Variants in BSG observed in about 807,000 individuals in gnomAD.
BSG encodes basigin.
In BSG, 37 loss-of-function variants were observed where a neutral mutation model predicts 43.1. The observed-to-expected ratio is 0.86, with a 90% CI of 0.66 to 1.13. The LOEUF (loss-of-function observed/expected upper bound fraction) is 1.13, where lower values mean the gene tolerates loss of function less well. Among genes scored for constraint, BSG ranks in the 50% most tolerant of loss-of-function variants. The pLI is 0.00. For synonymous variants in BSG, 309 were observed against 238.7 expected (o/e 1.29, Z -2.72); for missense variants, 599 against 554.2 (o/e 1.08, Z -0.81).
Position 572,606 on chromosome 19 carries a change from G to A in BSG, c.-29G>A, listed in dbSNP as rs1981351166. 4 of 1,476,874 alleles carry A rather than the reference G, an allele frequency of 2.7e-6. No homozygotes were observed. Among genetic ancestry groups the A allele is most frequent in the East Asian group, 2.9e-5 (1 of 34,004 alleles). 91.5% of individuals were successfully genotyped at this position (1,476,874 alleles called of 1,614,324 possible). On this transcript the variant is annotated 5_prime_UTR_variant, in exon 1 of 9. Coordinates refer to ENST00000333511, the MANE Select transcript of BSG (RefSeq NM_001728.4). Reference sequence around the variant, plus strand: ...GCGGGCGGCGGCGGCAGCGGTTGGAGGTTGTAGGACCGGCGAGGAATAGGA... The same window carrying A: ...GCGGGCGGCGGCGGCAGCGGTTGGAAGTTGTAGGACCGGCGAGGAATAGGA...
At position 578,303 on chromosome 19, in the gene BSG, C is replaced by T. The variant is rs1417747172; in HGVS notation, c.415+182C>T. The T allele has an allele frequency of 6.8e-6, 4 of 585,334 alleles. No homozygotes were observed. In the African/African-American group the frequency reaches 7.7e-5, roughly 11 times the overall value. The allele number at this position is 585,334 out of a possible 1,614,324, so 36.3% of individuals were successfully genotyped here. ...AGGGGGTGGGCTCGCCGCCTGACCACCAGCGCTGGGCGGCCTGGCTCGGGG... is the reference window on the plus strand; with the variant it reads ...AGGGGGTGGGCTCGCCGCCTGACCATCAGCGCTGGGCGGCCTGGCTCGGGG... On this transcript the variant is annotated intron_variant, in intron 2 of 8. Transcript: ENST00000333511.
At chr19:580,040 A>G (rs1383410815) in intron 3 of BSG, 2 of 407,916 alleles carry the variant, frequency 4.9e-6, no homozygotes, top group African/African-American at 2.0e-5. Flanking sequence ...GAGCTTTGTC[A>G]TAACTGGGGC....
chr19:581,672 A>G lies in BSG; in HGVS notation c.1069+81A>G. Reference sequence around the variant, plus strand: ...CTCCTGGTCCGTCCCTGCCAGCCCCACCGCTGACCCAGAGCTTGGAACTGA... The same window carrying G: ...CTCCTGGTCCGTCCCTGCCAGCCCCGCCGCTGACCCAGAGCTTGGAACTGA... On this transcript the variant is annotated intron_variant, in intron 6 of 8. Coordinates refer to ENST00000333511, the MANE Select transcript of BSG (RefSeq NM_001728.4). 11 of 1,455,688 alleles carry G rather than the reference A, an allele frequency of 7.6e-6. No homozygotes were observed. In the South Asian group the frequency reaches 1.5e-4, roughly 20 times the overall value. The allele number at this position is 1,455,688 out of a possible 1,614,324, so 90.2% of individuals were successfully genotyped here.
Position 577,796 on chromosome 19 carries a change from G to C in BSG, c.90G>C (p.Leu30=), listed in dbSNP as rs1158202394. ...CAGCCGGCTTCGTCCAGGCGCCGCT[G>C]TCCCAGCAGAGGTGGGTGGGGGGCA... The part of the protein sequence containing the change: ...SGAAGFVQAP[L]SQQRWVGGSV... The change falls in exon 2 of 9, where the codon CTG becomes CTC. Residue 30 remains leucine (L), a synonymous_variant. Transcript: ENST00000333511. The C allele has an allele frequency of 7.0e-7, 1 of 1,436,804 alleles. No individual in the cohort carries two copies. Among genetic ancestry groups the C allele is most frequent in the Admixed American group, 2.6e-5 (1 of 38,008 alleles). 89.0% of individuals were successfully genotyped at this position (1,436,804 alleles called of 1,614,324 possible). A position where few individuals can be genotyped will look rare whatever the true frequency, so the allele number is the denominator to read the frequency against.
rs1379097033 is a variant in BSG, at chr19:579,906, C to T, written c.572+250C>T. 3.9e-5 allele frequency: 21 copies of T among 543,336 alleles called. No homozygotes were observed. The East Asian group carries it at 6.3e-4, about 16-fold the overall frequency. The allele number at this position is 543,336 out of a possible 1,614,324, so 33.7% of individuals were successfully genotyped here. ...CTTGCTCCTCACTAGGTCCCGGGCACGAAAGGGCGCCACACTGCCAGGTCC... is the reference window on the plus strand; with the variant it reads ...CTTGCTCCTCACTAGGTCCCGGGCATGAAAGGGCGCCACACTGCCAGGTCC... On this transcript the variant is annotated intron_variant, in intron 3 of 8. Coordinates refer to ENST00000333511, the MANE Select transcript of BSG (RefSeq NM_001728.4).
At position 580,712 on chromosome 19, in the gene BSG, T is replaced by C; in HGVS notation, c.722T>C (p.Val241Ala). The C allele has an allele frequency of 1.2e-6, 2 of 1,612,806 alleles. No homozygotes were observed. Among genetic ancestry groups the C allele is most frequent in the South Asian group, 2.2e-5 (2 of 91,072 alleles). Residue 241 changes from valine to alanine, a missense_variant, in exon 5 of 9, where the codon GTC becomes GCC. By Grantham distance (64) the Val-to-Ala change is moderately conservative (BLOSUM62 0). Coordinates refer to ENST00000333511, the MANE Select transcript of BSG (RefSeq NM_001728.4). Reference protein sequence around the residue: ...HINEGETAMLVCKSESVPPVT... With the variant: ...HINEGETAMLACKSESVPPVT... Reference sequence around the variant, plus strand: ...AACGAGGGGGAGACGGCCATGCTGGTCTGCAAGTCAGAGTCCGTGCCACCT... The same window carrying C: ...AACGAGGGGGAGACGGCCATGCTGGCCTGCAAGTCAGAGTCCGTGCCACCT...
At position 572,684 on chromosome 19, in the gene BSG, A is replaced by G; in HGVS notation, c.50A>G (p.His17Arg). ...VLLGFALLGT[H>R]GASGAAGFVQ... ...CTGGGATTCGCGCTGCTGGGCACCC[A>G]CGGAGCCTCCGGGGCTGGTGAGGAG... Residue 17 changes from histidine to arginine, a missense_variant, in exon 1 of 9, where the codon CAC becomes CGC. By Grantham distance (29) the His-to-Arg change is conservative. Coordinates refer to ENST00000333511, the MANE Select transcript of BSG (RefSeq NM_001728.4). 1 of 1,495,386 alleles carries G rather than the reference A, an allele frequency of 6.7e-7. No individual in the cohort carries two copies. Among genetic ancestry groups the G allele is most frequent in the South Asian group, 1.3e-5 (1 of 78,442 alleles). The allele number at this position is 1,495,386 out of a possible 1,614,324, so 92.6% of individuals were successfully genotyped here. A position where few individuals can be genotyped will look rare whatever the true frequency, so the allele number is the denominator to read the frequency against.
chr19:581,982 C>T (rs931069639), intron 6 of BSG, among the ~76,000 whole-genome samples: 3 of 152,264 alleles, frequency 2.0e-5, no homozygotes, highest in African/African-American at 4.8e-5. Flanking sequence ...GCCCTTCTGC[C>T]CCTTGGGCTG....
At chr19:580,233 G>A in intron 3 of BSG, 146 bp from the exon 4 acceptor site, 1 of 682,122 alleles carries the variant, frequency 1.5e-6, no homozygotes, top group South Asian at 1.8e-5. Context: ...GCCGCACGGG[G>A]ACCCCAGGAG....
At position 572,698 on chromosome 19, in the gene BSG, GC is replaced by G; in HGVS notation, c.65del (p.Ala22ValfsTer98). 6.7e-7 allele frequency: 1 copy of G among 1,482,104 alleles called. No individual in the cohort carries two copies. The highest frequency in any genetic ancestry group is 9.0e-7 in the Non-Finnish European group (1 of 1,110,828). The allele number at this position is 1,482,104 out of a possible 1,614,324, so 91.8% of individuals were successfully genotyped here. A position where few individuals can be genotyped will look rare whatever the true frequency, so the allele number is the denominator to read the frequency against. On this transcript the variant is annotated frameshift_variant and splice_region_variant, in exon 1 of 9. Transcript: ENST00000333511. LOFTEE classifies it high-confidence loss of function. Reference sequence around the variant, plus strand: ...GCTGGGCACCCACGGAGCCTCCGGGGCTGGTGAGGAGCGGGTAGGGGGCGGG... The same window carrying G: ...GCTGGGCACCCACGGAGCCTCCGGGGTGGTGAGGAGCGGGTAGGGGGCGGG... ...ALLGTHGASG[A>X]AGFVQAPLSQ...
intron 2 of BSG, 94 bp from the exon 3 acceptor site, chr19:579,406 T>C (rs1982076767): frequency 1.3e-6 from 2 of 1,545,340 alleles, no homozygotes; most frequent in Non-Finnish European, 1.8e-6. Context: ...AAACCAGTCC[T>C]TCCCGGGGAG....
At chr19:580,594 G>T in intron 4 of BSG, 52 bp from the exon 5 acceptor site, 2 of 1,609,198 alleles carry the variant, frequency 1.2e-6, no homozygotes, top group African/African-American at 1.3e-5. Context: ...GGGAGGCCGG[G>T]GATGGGGGCG....
intron 2 of BSG, chr19:579,163 C>T (rs1028466602): frequency 4.1e-6 from 2 of 488,326 alleles, no homozygotes; most frequent in African/African-American, 3.9e-5. Flanking sequence ...ACCCTGGTCC[C>T]AGCCTCGTGT....
intron 1 of BSG, among the ~76,000 whole-genome samples, chr19:573,622 C>T (rs1164781169): frequency 2.0e-5 from 3 of 152,190 alleles, no homozygotes; most frequent in African/African-American, 2.4e-5. Flanking sequence ...CTGGATTCAG[C>T]ACCCAGAATG....
At chr19:571,790 G>A (rs1003777413), upstream of BSG, 5 of 589,920 alleles carry the variant, frequency 8.5e-6, no homozygotes, top group Admixed American at 8.7e-5. Context: ...TTCCCTGTTG[G>A]CTGGGGTTGG....
At chr19:574,492 G>A (rs1981586981) in intron 1 of BSG, among the ~76,000 whole-genome samples, 1 of 152,098 alleles carries the variant, frequency 6.6e-6, no homozygotes, top group Non-Finnish European at 1.5e-5. Context: ...GGCGGAGCTT[G>A]CAGTGAGCCG....
Position 582,813 on chromosome 19 carries a change from C to G in BSG, c.*69C>G. 3.5e-6 allele frequency: 2 copies of G among 577,516 alleles called. No homozygotes were observed. The highest frequency in any genetic ancestry group is 6.1e-6 in the Non-Finnish European group (2 of 325,236). The allele number at this position is 577,516 out of a possible 1,614,324, so 35.8% of individuals were successfully genotyped here. A position where few individuals can be genotyped will look rare whatever the true frequency, so the allele number is the denominator to read the frequency against. On this transcript the variant is annotated 3_prime_UTR_variant, in exon 9 of 9. Coordinates refer to ENST00000333511, the MANE Select transcript of BSG (RefSeq NM_001728.4). Reference sequence around the variant, plus strand: ...CGCCGGAGTCCACTCCCAGTGCTTGCAAGATTCCAAGTTCTCACCTCTTAA... The same window carrying G: ...CGCCGGAGTCCACTCCCAGTGCTTGGAAGATTCCAAGTTCTCACCTCTTAA...
At chr19:573,140 G>T (rs1981433398) in intron 1 of BSG, among the ~76,000 whole-genome samples, 1 of 152,184 alleles carries the variant, frequency 6.6e-6, no homozygotes, top group South Asian at 2.1e-4. Flanking sequence ...CATCGGCCAG[G>T]AGAAGGGAGA....
intron 3 of BSG, 41 bp from the exon 4 acceptor site, chr19:580,335 CCTG>C: frequency 6.3e-7 from 1 of 1,584,100 alleles, no homozygotes; most frequent in South Asian, 1.1e-5. Flanking sequence ...TTGGAGGCGT[CCTG>C]CAGAGCTGGT....
Sources: gnomAD v4.1 joint callset for allele counts (sites outside exome capture counted in the v4.1 genomes callset) on GRCh38, gnomAD v4.1.1 for gene constraint, MANE v1.5 for transcripts, NCBI Gene and HGNC (gene_info 2026-07-23, HGNC 2026-07-21) for gene names.